The following CD200R1L variants were observed in gnomAD, a reference collection of about 807,000 sequenced individuals.
CD200R1L encodes CD200 receptor 1 like, also known as cell surface glycoprotein CD200 receptor 2.
In CD200R1L, 14 loss-of-function variants were observed where a neutral mutation model predicts 24.8. That is an observed-to-expected ratio of 0.56 (90% CI 0.37 to 0.88). The LOEUF is 0.88. CD200R1L is among the 40% of genes least tolerant of loss of function. CD200R1L has a pLI of 0.00. For synonymous variants in CD200R1L, 111 were observed against 109.2 expected, an observed-to-expected ratio of 1.02 and a Z score of -0.11; for missense variants, 299 against 297.8, an observed-to-expected ratio of 1.00 and a Z score of -0.03.
chr3:112,837,389 C>T (rs1304598569), intron 3 of CD200R1L, among the ~76,000 whole-genome samples: 5 of 152,080 alleles, frequency 3.3e-5, no homozygotes, highest in South Asian at 2.1e-4. Context: ...TACTTCCTTC[C>T]GCCATTTGAG....
At chr3:112,820,488 C>G (rs542722017) in intron 6 of CD200R1L, among the ~76,000 whole-genome samples, 1 of 151,942 alleles carries the variant, frequency 6.6e-6, no homozygotes, top group Non-Finnish European at 1.5e-5. Flanking sequence ...TCTAGTGCAG[C>G]GGCGCAATCT....
chr3:112,820,332 A>C (rs896453809), intron 6 of CD200R1L, among the ~76,000 whole-genome samples: 14 of 152,196 alleles, frequency 9.2e-5, no homozygotes, highest in Admixed American at 6.5e-4. Context: ...CTCTTTAGCA[A>C]GGTGTTTTAT....
intron 6 of CD200R1L, among the ~76,000 whole-genome samples, 193 bp downstream of exon 6, chr3:112,826,800 G>A (rs1482024320): frequency 6.6e-6 from 1 of 152,128 alleles, no homozygotes; most frequent in Admixed American, 6.5e-5. Context: ...AGATCACTAA[G>A]TTAACAAAAT....
At chr3:112,830,244 A>T (rs2107341867) in intron 3 of CD200R1L, among the ~76,000 whole-genome samples, 1 of 152,330 alleles carries the variant, frequency 6.6e-6, no homozygotes, top group East Asian at 1.9e-4. Flanking sequence ...TGGTATGGTT[A>T]GGATTAGGTA....
At chr3:112,820,722 T>C (rs1023932822) in intron 6 of CD200R1L, among the ~76,000 whole-genome samples, 2 of 150,194 alleles carry the variant, frequency 1.3e-5, no homozygotes, top group African/African-American at 4.9e-5. Flanking sequence ...TGAGCCACCA[T>C]GCCCAGCCAG....
chr3:112,843,056 C>T (rs547764703), intron 2 of CD200R1L, among the ~76,000 whole-genome samples: 1 of 152,238 alleles, frequency 6.6e-6, no homozygotes, highest in South Asian at 2.1e-4. Context: ...CTCAGAGGAC[C>T]AGCGGGTCTC....
intron 6 of CD200R1L, among the ~76,000 whole-genome samples, chr3:112,826,657 A>G (rs1938663432): frequency 6.6e-6 from 1 of 152,218 alleles, no homozygotes; most frequent in Non-Finnish European, 1.5e-5. Context: ...TAACAAAGTA[A>G]TAACTACTAC....
intron 3 of CD200R1L, among the ~76,000 whole-genome samples, chr3:112,830,538 TTTCCTGTAGGC>T (rs1938772813): frequency 6.9e-6 from 1 of 144,376 alleles, no homozygotes. Flanking sequence ...CATTTCTCTC[TTTCCTGTAGGC>T]TTTGATGCAG....
chr3:112,825,306 C>G (rs1405452315), intron 6 of CD200R1L, among the ~76,000 whole-genome samples: 1 of 149,512 alleles, frequency 6.7e-6, no homozygotes, highest in African/African-American at 2.5e-5. Flanking sequence ...AATAGAAGCA[C>G]TTAACACTTT....
chr3:112,834,543 A>G (rs1938886945), intron 3 of CD200R1L, among the ~76,000 whole-genome samples: 1 of 152,174 alleles, frequency 6.6e-6, no homozygotes, highest in South Asian at 2.1e-4. Flanking sequence ...GGGTAATTTA[A>G]GCCTGATCAT....
At chr3:112,819,128 C>T (rs1938469481) in intron 7 of CD200R1L, among the ~76,000 whole-genome samples, 1 of 152,100 alleles carries the variant, frequency 6.6e-6, no homozygotes, top group Admixed American at 6.6e-5. Context: ...TGAGAACTCC[C>T]TAACTATCAC....
At chr3:112,820,726 C>T (rs1938516218) in intron 6 of CD200R1L, among the ~76,000 whole-genome samples, 1 of 151,836 alleles carries the variant, frequency 6.6e-6, no homozygotes. Flanking sequence ...CCACCATGCC[C>T]AGCCAGAAGC....
intron 6 of CD200R1L, among the ~76,000 whole-genome samples, chr3:112,823,916 C>T (rs1276690549): frequency 1.6e-4 from 2 of 12,742 alleles, no homozygotes; most frequent in Non-Finnish European, 5.2e-4. Flanking sequence ...AATAGTGAAG[C>T]GCAAGGCAGG....
Position 112,835,409 on chromosome 3 carries a change from T to C in CD200R1L, c.-18+2533A>G, listed in dbSNP as rs557021344. ...TCTCTACAGGCAGGTTGTCCCATTATCTACTCAGCTCTCAGCAGAGAAGGT... is the reference window on the plus strand; with the variant it reads ...TCTCTACAGGCAGGTTGTCCCATTACCTACTCAGCTCTCAGCAGAGAAGGT... On this transcript the variant is annotated intron_variant, in intron 3 of 7. Coordinates refer to ENST00000488794, the MANE Select transcript of CD200R1L (RefSeq NM_001199215.3). Among the ~76,000 whole-genome samples the C allele has an allele frequency of 2.0e-5, 3 of 152,318 alleles. 1 individual carries two copies. In the South Asian group the frequency reaches 6.2e-4, roughly 32 times the overall value.
intron 6 of CD200R1L, among the ~76,000 whole-genome samples, chr3:112,823,836 AG>A (rs1477437250): frequency 6.6e-6 from 1 of 152,212 alleles, no homozygotes; most frequent in East Asian, 1.9e-4. Context: ...AAAAGGGAAC[AG>A]AGGAATACAA....
At chr3:112,827,290 A>G (rs536022172) in intron 5 of CD200R1L, 49 bp from the exon 6 acceptor site, 7 of 1,590,746 alleles carry the variant, frequency 4.4e-6, no homozygotes, top group Non-Finnish European at 5.1e-6. Context: ...CACATAAAGC[A>G]TATGGAATTC....
chr3:112,832,006 G>A (rs1938813159), intron 3 of CD200R1L, among the ~76,000 whole-genome samples: 1 of 152,064 alleles, frequency 6.6e-6, no homozygotes, highest in African/African-American at 2.4e-5. Context: ...TATTATTATT[G>A]TAACTCATTT....
intron 6 of CD200R1L, among the ~76,000 whole-genome samples, chr3:112,826,562 A>G (rs1453608675): frequency 1.3e-5 from 2 of 152,232 alleles, no homozygotes; most frequent in Non-Finnish European, 2.9e-5. Flanking sequence ...ACTTATAAAT[A>G]GCATTCAATA....
In CD200R1L at chr3:112,846,854, G is replaced by A. The variant is rs1939209688; in HGVS notation, c.-588C>T. The A allele has an allele frequency of 6.6e-6, 1 of 152,188 alleles. No individual in the cohort carries two copies. The highest frequency in any genetic ancestry group is 2.1e-4 in the South Asian group (1 of 4,832). 9.4% of individuals were successfully genotyped at this position (152,188 alleles called of 1,614,324 possible). ...GATAAAAGGCAGAGATCTGAGTGAT[G>A]TTTCTTCTACAAGCCAAGGAAAACC... On this transcript the variant is annotated 5_prime_UTR_variant, in exon 1 of 8. Coordinates refer to ENST00000488794, the MANE Select transcript of CD200R1L (RefSeq NM_001199215.3).
Sources: gnomAD v4.1 joint callset for allele counts (sites outside exome capture counted in the v4.1 genomes callset) on GRCh38, gnomAD v4.1.1 for gene constraint, MANE v1.5 for transcripts, NCBI Gene and HGNC (gene_info 2026-07-23, HGNC 2026-07-21) for gene names.